Variants in TMCC3 observed in about 807,000 individuals in gnomAD.
The protein encoded by TMCC3 is transmembrane and coiled-coil domain family 3.
Under a neutral mutation model 40.2 loss-of-function variants are expected in TMCC3, and 28 were observed. The observed-to-expected ratio is 0.70, with a 90% confidence interval of 0.52 to 0.95. The LOEUF (loss-of-function observed/expected upper bound fraction) is 0.95. TMCC3 is among the 40% of genes least tolerant of loss of function. The pLI is 0.00. For missense variants in TMCC3, 554 were observed against 615.2 expected (o/e 0.90, Z 1.05); for synonymous variants, 255 against 248.5 (o/e 1.03, Z -0.25).
intron 1 of TMCC3, among the ~76,000 whole-genome samples, chr12:94,620,637 GA>G (rs200354876): frequency 6.6e-6 from 1 of 151,174 alleles, no homozygotes; most frequent in Non-Finnish European, 1.5e-5. Flanking sequence ...CTACTTAATA[GA>G]AAAAAATGTG....
At position 94,569,661 on chromosome 12, in the gene TMCC3, C is replaced by T. The variant is rs1005577637; in HGVS notation, c.*1774G>A. On this transcript the variant is annotated 3_prime_UTR_variant, in exon 4 of 4. Coordinates refer to ENST00000261226, the MANE Select transcript of TMCC3 (RefSeq NM_020698.4). ...TTGTACGCTTAAAAAAAAAAGCAAGCTTGAGCTGCCTAAGTCCCGCTCACA... is the reference window on the plus strand; with the variant it reads ...TTGTACGCTTAAAAAAAAAAGCAAGTTTGAGCTGCCTAAGTCCCGCTCACA... 1.3e-5 allele frequency: 2 copies of T among 152,142 alleles called. No homozygotes were observed. Among genetic ancestry groups the T allele is most frequent in the East Asian group, 3.8e-4 (2 of 5,202 alleles). The allele number at this position is 152,142 out of a possible 1,614,324, so 9.4% of individuals were successfully genotyped here. A position where few individuals can be genotyped will look rare whatever the true frequency, so the allele number is the denominator to read the frequency against.
In TMCC3 at chr12:94,570,381, T is replaced by C. The variant is rs1290005; in HGVS notation, c.*1054A>G. 103,617 of 152,150 alleles carry C rather than the reference T, an allele frequency of 0.68. 35,456 individuals are homozygous for C. Among genetic ancestry groups the C allele is most frequent in the African/African-American group, 0.74 (30,596 of 41,504 alleles). The allele number at this position is 152,150 out of a possible 1,614,324, so 9.4% of individuals were successfully genotyped here. A position where few individuals can be genotyped will look rare whatever the true frequency, so the allele number is the denominator to read the frequency against. On this transcript the variant is annotated 3_prime_UTR_variant, in exon 4 of 4. Transcript: ENST00000261226. ...TTGTTTTCATTTCCTGAGTAAGCTT[T>C]GCAGTCCCTCACAGACCTGTGAATA...
intron 1 of TMCC3, among the ~76,000 whole-genome samples, chr12:94,613,103 TAC>T (rs61688830): frequency 0.019 from 2,810 of 148,872 alleles, 77 homozygotes; most frequent in African/African-American, 0.059. Flanking sequence ...ATAAAATGGA[TAC>T]ACACACACAC....
chr12:94,577,777 T>G (rs543905609), intron 3 of TMCC3, among the ~76,000 whole-genome samples: 1 of 152,168 alleles, frequency 6.6e-6, no homozygotes, highest in South Asian at 2.1e-4. Context: ...ATTTTTACAT[T>G]TTACAGTTTT....
Position 94,570,137 on chromosome 12 carries a change from G to A in TMCC3, c.*1298C>T, listed in dbSNP as rs2138810775. On this transcript the variant is annotated 3_prime_UTR_variant, in exon 4 of 4. Coordinates refer to ENST00000261226, the MANE Select transcript of TMCC3 (RefSeq NM_020698.4). The stretch of plus-strand genomic sequence containing the variant: ...GGTGGCAACCTTGGCTCAAACACTG[G>A]ACTTAATTTATTTTATTCTTGCTAG... The A allele has an allele frequency of 6.6e-6, 1 of 152,312 alleles. No individual in the cohort carries two copies. The highest frequency in any genetic ancestry group is 1.9e-4 in the East Asian group (1 of 5,186). The allele number at this position is 152,312 out of a possible 1,614,324, so 9.4% of individuals were successfully genotyped here. A position where few individuals can be genotyped will look rare whatever the true frequency, so the allele number is the denominator to read the frequency against.
intron 1 of TMCC3, among the ~76,000 whole-genome samples, chr12:94,617,569 C>T (rs929787320): frequency 1.3e-5 from 2 of 152,174 alleles, no homozygotes; most frequent in Admixed American, 1.3e-4. Context: ...TATAAGTTTT[C>T]TTGCTGTCAC....
chr12:94,633,442 T>A (rs375081109), intron 1 of TMCC3, among the ~76,000 whole-genome samples: 2 of 152,338 alleles, frequency 1.3e-5, no homozygotes, highest in African/African-American at 4.8e-5. Flanking sequence ...ATCATAGTTT[T>A]AAAATTTTTT....
chr12:94,578,303 TC>T (rs1209670309), intron 3 of TMCC3, 90 bp downstream of exon 3: 2 of 1,477,666 alleles, frequency 1.4e-6, no homozygotes, highest in African/African-American at 1.4e-5. Flanking sequence ...CCAGAAACCC[TC>T]TAGGACTTAG....
chr12:94,625,989 T>G (rs2068902454), intron 1 of TMCC3, among the ~76,000 whole-genome samples: 1 of 152,192 alleles, frequency 6.6e-6, no homozygotes, highest in Non-Finnish European at 1.5e-5. Flanking sequence ...TTGGGTAATT[T>G]ATAAAGGAAA....
At chr12:94,648,034 T>C (rs1023650414) in intron 1 of TMCC3, among the ~76,000 whole-genome samples, 4 of 152,198 alleles carry the variant, frequency 2.6e-5, no homozygotes, top group African/African-American at 7.2e-5. Context: ...GATTACGGTC[T>C]GCTGAAGTTC....
At chr12:94,645,374 C>T (rs554324166) in intron 1 of TMCC3, among the ~76,000 whole-genome samples, 85 of 152,310 alleles carry the variant, frequency 5.6e-4, no homozygotes, top group Non-Finnish European at 1.1e-3. Context: ...TCATATAGTA[C>T]AGGTCCCCTA....
intron 1 of TMCC3, among the ~76,000 whole-genome samples, chr12:94,617,595 T>G (rs530184610): frequency 2.0e-5 from 3 of 152,256 alleles, no homozygotes; most frequent in Non-Finnish European, 4.4e-5. Flanking sequence ...TTTAAATCCC[T>G]TTTGACCATA....
In TMCC3 at chr12:94,631,664, GC is replaced by G. The variant is rs2068934036; in HGVS notation, c.78+18688del. Among the ~76,000 whole-genome samples the G allele has an allele frequency of 2.0e-5, 3 of 152,330 alleles. No homozygotes were observed. The South Asian group carries it at 6.2e-4, about 32-fold the overall frequency. On this transcript the variant is annotated intron_variant, in intron 1 of 3. Transcript: ENST00000261226. ...CAGTCTGGGATACTTTGTCAAAGCA[GC>G]CCTAGCAAATTATCACATTAGGTTA...
At position 94,614,097 on chromosome 12, in the gene TMCC3, G is replaced by GAAA. The variant is rs10696282; in HGVS notation, c.79-31562_79-31560dup. Among the ~76,000 whole-genome samples the GAAA allele has an allele frequency of 9.2e-3, 906 of 98,422 alleles. 32 individuals are homozygous for GAAA. The highest frequency in any genetic ancestry group is 0.013 in the Non-Finnish European group (658 of 50,546). The allele number at this position is 98,422 out of a possible 152,430, so 64.6% of individuals were successfully genotyped here. On this transcript the variant is annotated intron_variant, in intron 1 of 3. Transcript: ENST00000261226. ...GCGACAGAGTGAGACTCCATCTCCA[G>GAAA]AAAAAAAAAAAAAAAAAAACTATGG...
chr12:94,633,441 T>C (rs1190857376), intron 1 of TMCC3, among the ~76,000 whole-genome samples: 1 of 152,236 alleles, frequency 6.6e-6, no homozygotes, highest in Non-Finnish European at 1.5e-5. Context: ...TATCATAGTT[T>C]TAAAATTTTT....
At chr12:94,616,231 G>T in intron 1 of TMCC3, 1 of 401,568 alleles carries the variant, frequency 2.5e-6, no homozygotes, top group Non-Finnish European at 3.4e-6. Context: ...CTATATCTTT[G>T]CAGGGAGGTC....
intron 3 of TMCC3, 92 bp downstream of exon 3, chr12:94,578,302 C>G: frequency 6.8e-7 from 1 of 1,471,338 alleles, no homozygotes; most frequent in Non-Finnish European, 9.2e-7. Context: ...GCCAGAAACC[C>G]TCTAGGACTT....
chr12:94,594,232 C>G (rs57906300), intron 1 of TMCC3, among the ~76,000 whole-genome samples: 50,316 of 147,986 alleles, frequency 0.34, 8,840 homozygotes, highest in Admixed American at 0.43. Context: ...CACACACACA[C>G]AGAGTGAGAG....
intron 1 of TMCC3, among the ~76,000 whole-genome samples, chr12:94,608,357 T>A (rs2068795621): frequency 6.6e-6 from 1 of 152,178 alleles, no homozygotes; most frequent in African/African-American, 2.4e-5. Context: ...GATCTGAAAG[T>A]CTTACACATC....
Sources: gnomAD v4.1 joint callset for allele counts (sites outside exome capture counted in the v4.1 genomes callset) on GRCh38, gnomAD v4.1.1 for gene constraint, MANE v1.5 for transcripts, NCBI Gene and HGNC (gene_info 2026-07-23, HGNC 2026-07-21) for gene names.